NCAPG2: variants seen among roughly 807,000 people sequenced by gnomAD.
The protein encoded by NCAPG2 is non-SMC condensin II complex subunit G2.
Under a neutral mutation model 141.1 loss-of-function variants are expected in NCAPG2, and 53 were observed. That is an observed-to-expected ratio of 0.38 (90% CI 0.30 to 0.47). NCAPG2 has a LOEUF of 0.47. NCAPG2 is among the 20% of genes least tolerant of loss of function. The probability of loss-of-function intolerance (pLI) is 0.99; values close to 1 mark genes in which losing one functional copy is unlikely to be tolerated. For synonymous variants in NCAPG2, 499 were observed against 490.7 expected (o/e 1.02, Z -0.22); for missense variants, 1,087 against 1,389.0 (o/e 0.78, Z 3.46).
intron 27 of NCAPG2, among the ~76,000 whole-genome samples, chr7:158,637,716 C>A (rs912936277): frequency 1.1e-4 from 17 of 152,198 alleles, no homozygotes; most frequent in African/African-American, 4.1e-4. Flanking sequence ...TCTCCCTGTC[C>A]GGGTGGGGGC....
At chr7:158,689,985 T>G in intron 5 of NCAPG2, 32 bp from the exon 6 acceptor site, 1 of 1,477,542 alleles carries the variant, frequency 6.8e-7, no homozygotes. Context: ...TGATACCTTT[T>G]TCAATGAACA....
At chr7:158,670,645 A>G (rs1175454760) in intron 13 of NCAPG2, among the ~76,000 whole-genome samples, 1 of 152,128 alleles carries the variant, frequency 6.6e-6, no homozygotes, top group East Asian at 1.9e-4. Context: ...ACTTATATAT[A>G]TGTCTCCATT....
At chr7:158,668,565 GT>G in intron 13 of NCAPG2, 3 of 485,366 alleles carry the variant, frequency 6.2e-6, no homozygotes, top group Non-Finnish European at 8.0e-6. Context: ...CCTGGATACA[GT>G]TTAGATAAAA....
intron 15 of NCAPG2, among the ~76,000 whole-genome samples, chr7:158,662,742 G>A (rs1261899299): frequency 6.6e-6 from 1 of 152,132 alleles, no homozygotes; most frequent in Non-Finnish European, 1.5e-5. Flanking sequence ...TCTCGATGCA[G>A]GGGGAGGGGA....
chr7:158,649,924 A>G (rs1831354484), intron 24 of NCAPG2, among the ~76,000 whole-genome samples: 1 of 152,260 alleles, frequency 6.6e-6, no homozygotes, highest in South Asian at 2.1e-4. Context: ...CATCCTGATT[A>G]TAACATCCTT....
In NCAPG2 at chr7:158,644,402, A is replaced by G; in HGVS notation, c.3281-14T>C. On this transcript the variant is annotated splice_polypyrimidine_tract_variant and intron_variant, in intron 26 of 27. Transcript: ENST00000356309. ...TTTTATGTTTACCTGGGAAAATTAT[A>G]TTAAAAGACAGAAAAGACTTTAACA... 6.3e-7 allele frequency: 1 copy of G among 1,596,456 alleles called. No homozygotes were observed. The highest frequency in any genetic ancestry group is 1.1e-5 in the South Asian group (1 of 90,712).
rs1831433384 is a variant in NCAPG2 at position 158,650,814 on chromosome 7, AG to A, written c.3075+17del. Reference sequence around the variant, plus strand: ...CATCAATAAGAGGCACAGCAGTTTCAGGATTAAAGCACTTCACCTTCCGTAG... The same window carrying A: ...CATCAATAAGAGGCACAGCAGTTTCAGATTAAAGCACTTCACCTTCCGTAG... On this transcript the variant is annotated intron_variant, in intron 24 of 27. Transcript: ENST00000356309. The A allele has an allele frequency of 1.3e-6, 2 of 1,599,286 alleles. No individual in the cohort carries two copies. Among genetic ancestry groups the A allele is most frequent in the Middle Eastern group, 1.7e-4 (1 of 5,980 alleles).
At chr7:158,635,265 A>G (rs146452807) in intron 27 of NCAPG2, among the ~76,000 whole-genome samples, 1 of 152,356 alleles carries the variant, frequency 6.6e-6, no homozygotes, top group Non-Finnish European at 1.5e-5. Context: ...ATTCGTTTAA[A>G]AAAAAAGACT....
At position 158,689,973 on chromosome 7, in the gene NCAPG2, T is replaced by G; in HGVS notation, c.538-20A>C. 4.0e-6 allele frequency: 6 copies of G among 1,482,818 alleles called. No homozygotes were observed. Among genetic ancestry groups the G allele is most frequent in the Non-Finnish European group, 5.4e-6 (6 of 1,118,284 alleles). The allele number at this position is 1,482,818 out of a possible 1,614,324, so 91.9% of individuals were successfully genotyped here. On this transcript the variant is annotated intron_variant, in intron 5 of 27. Transcript: ENST00000356309. Reference sequence around the variant, plus strand: ...TGCACCCTAGGAATGACACAAAAAATGTGATACCTTTTTCAATGAACAGTA... The same window carrying G: ...TGCACCCTAGGAATGACACAAAAAAGGTGATACCTTTTTCAATGAACAGTA...
At chr7:158,668,676 TAAA>T (rs1446854712) in intron 13 of NCAPG2, among the ~76,000 whole-genome samples, 4 of 152,202 alleles carry the variant, frequency 2.6e-5, no homozygotes, top group African/African-American at 4.8e-5. Context: ...AAATTCAAAA[TAAA>T]AAATTAAAAC....
intron 5 of NCAPG2, among the ~76,000 whole-genome samples, 181 bp from the exon 6 acceptor site, chr7:158,690,134 AT>A (rs1835029177): frequency 2.6e-5 from 4 of 152,304 alleles, no homozygotes; most frequent in African/African-American, 9.6e-5. Flanking sequence ...TCTACAGAAC[AT>A]TTTTTTAAAA....
chr7:158,647,416 G>A (rs1305812216), intron 24 of NCAPG2, among the ~76,000 whole-genome samples: 1 of 152,208 alleles, frequency 6.6e-6, no homozygotes, highest in Non-Finnish European at 1.5e-5. Flanking sequence ...CCACAGTGAA[G>A]TACTGCAAGT....
chr7:158,653,911 GA>G (rs759286838), intron 22 of NCAPG2, among the ~76,000 whole-genome samples: 30 of 152,232 alleles, frequency 2.0e-4, no homozygotes, highest in Middle Eastern at 3.4e-3. Flanking sequence ...AGAAGCGGCT[GA>G]GGGGGAGGCT....
rs73514175 is a variant in NCAPG2 at position 158,631,366 on chromosome 7, G to A, written c.*300C>T. ...TCCAAGCAATATTACATATATAAAA[G>A]TCATTTTAAAAACAACCAGGTTTGC... On this transcript the variant is annotated 3_prime_UTR_variant, in exon 28 of 28. Transcript: ENST00000356309. The A allele has an allele frequency of 2.7e-4, 99 of 361,822 alleles. No individual in the cohort carries two copies. Among genetic ancestry groups the A allele is most frequent in the African/African-American group, 1.9e-3 (90 of 46,352 alleles). 22.4% of individuals were successfully genotyped at this position (361,822 alleles called of 1,614,324 possible).
intron 27 of NCAPG2, among the ~76,000 whole-genome samples, chr7:158,636,652 T>C (rs1830220813): frequency 6.6e-6 from 1 of 152,166 alleles, no homozygotes; most frequent in Non-Finnish European, 1.5e-5. Context: ...TCTGCCTGCC[T>C]CAGCCTCCCA....
chr7:158,684,419 T>C (rs1206888792), intron 8 of NCAPG2, among the ~76,000 whole-genome samples: 2 of 152,250 alleles, frequency 1.3e-5, no homozygotes, highest in Non-Finnish European at 2.9e-5. Context: ...TGTGGGCAAC[T>C]TGTTGAGTCC....
At chr7:158,687,642 C>G (rs2129468581) in intron 6 of NCAPG2, among the ~76,000 whole-genome samples, 200 bp from the exon 7 acceptor site, 1 of 152,354 alleles carries the variant, frequency 6.6e-6, no homozygotes, top group Middle Eastern at 3.4e-3. Flanking sequence ...CCACCTCCCC[C>G]AGGGCCGAGC....
intron 16 of NCAPG2, among the ~76,000 whole-genome samples, chr7:158,659,649 C>T (rs998548086): frequency 2.0e-5 from 3 of 152,094 alleles, no homozygotes; most frequent in Non-Finnish European, 1.5e-5. Flanking sequence ...AAGAGATATT[C>T]TTGGCTGGGA....
intron 8 of NCAPG2, 27 bp downstream of exon 8, chr7:158,686,145 T>C: frequency 1.7e-5 from 22 of 1,330,682 alleles, no homozygotes; most frequent in Non-Finnish European, 2.3e-5. Context: ...TAAAAATAAG[T>C]GTTAACATTT....
Sources: gnomAD v4.1 joint callset for allele counts (sites outside exome capture counted in the v4.1 genomes callset) on GRCh38, gnomAD v4.1.1 for gene constraint, MANE v1.5 for transcripts, NCBI Gene and HGNC (gene_info 2026-07-23, HGNC 2026-07-21) for gene names.